EFNA5: variants seen among roughly 807,000 people sequenced by gnomAD.
EFNA5 encodes ephrin-A5.
Under a neutral mutation model 22.9 loss-of-function variants are expected in EFNA5, and 5 were observed. The ratio of observed to expected loss-of-function variants is 0.22; its 90% CI spans 0.11 to 0.46. The LOEUF (loss-of-function observed/expected upper bound fraction) is 0.46. EFNA5 is among the 20% of genes least tolerant of loss of function. The pLI is 0.99. For missense variants in EFNA5, 237 were observed against 293.3 expected, an observed-to-expected ratio of 0.81 and a Z score of 1.40; for synonymous variants, 113 against 112.2, an observed-to-expected ratio of 1.01 and a Z score of -0.04.
At chr5:107,390,745 A>G (rs564455903) in intron 2 of EFNA5, among the ~76,000 whole-genome samples, 2 of 151,798 alleles carry the variant, frequency 1.3e-5, no homozygotes, top group Non-Finnish European at 2.9e-5. Context: ...CACTATATAT[A>G]ACTTCTTGTG....
intron 1 of EFNA5, among the ~76,000 whole-genome samples, chr5:107,437,614 A>G (rs990285945): frequency 1.3e-5 from 2 of 152,206 alleles, no homozygotes; most frequent in African/African-American, 4.8e-5. Context: ...CCTTGAAAAT[A>G]GTAATGGTGT....
chr5:107,608,024 A>T (rs1749758624), intron 1 of EFNA5, among the ~76,000 whole-genome samples: 1 of 152,134 alleles, frequency 6.6e-6, no homozygotes, highest in South Asian at 2.1e-4. Context: ...ATTCAGCACC[A>T]TATGAGGAAA....
intron 1 of EFNA5, among the ~76,000 whole-genome samples, chr5:107,498,526 A>G (rs1426548077): frequency 6.6e-6 from 1 of 152,240 alleles, no homozygotes; most frequent in Non-Finnish European, 1.5e-5. Flanking sequence ...GTATTTGTGA[A>G]AAACTGTGAA....
intron 1 of EFNA5, among the ~76,000 whole-genome samples, chr5:107,623,439 A>G (rs888112984): frequency 1.4e-4 from 21 of 152,236 alleles, no homozygotes; most frequent in Admixed American, 8.5e-4. Flanking sequence ...AAATCATGTG[A>G]AATACATAGA....
intron 1 of EFNA5, among the ~76,000 whole-genome samples, chr5:107,548,674 C>T (rs1418685395): frequency 6.6e-6 from 1 of 152,158 alleles, no homozygotes; most frequent in African/African-American, 2.4e-5. Flanking sequence ...AGTAAAGAGG[C>T]TGATGCTGAG....
intron 1 of EFNA5, among the ~76,000 whole-genome samples, chr5:107,652,968 G>T (rs537593041): frequency 1.6e-4 from 24 of 151,754 alleles, no homozygotes; most frequent in African/African-American, 5.8e-4. Context: ...AATGGCATAT[G>T]GTTCTCCCTC....
chr5:107,464,886 C>T (rs902037010), intron 1 of EFNA5, among the ~76,000 whole-genome samples: 1 of 152,152 alleles, frequency 6.6e-6, no homozygotes, highest in Non-Finnish European at 1.5e-5. Flanking sequence ...CCTCACTCTG[C>T]GTCCTGACAG....
At chr5:107,583,441 C>T (rs556947701) in intron 1 of EFNA5, among the ~76,000 whole-genome samples, 3 of 152,302 alleles carry the variant, frequency 2.0e-5, no homozygotes, top group East Asian at 1.9e-4. Flanking sequence ...TACTGAGCGT[C>T]GGCAAGGCAA....
At chr5:107,506,854 C>A (rs1747263418) in intron 1 of EFNA5, among the ~76,000 whole-genome samples, 1 of 152,138 alleles carries the variant, frequency 6.6e-6, no homozygotes, top group African/African-American at 2.4e-5. Context: ...TCACCACCTG[C>A]TGAAAAAGGC....
chr5:107,585,765 A>C (rs1015185509), intron 1 of EFNA5, among the ~76,000 whole-genome samples: 1 of 152,224 alleles, frequency 6.6e-6, no homozygotes, highest in Non-Finnish European at 1.5e-5. Context: ...AGAGAAGTTG[A>C]AGTGGTGCCA....
At chr5:107,517,991 C>A (rs989895021) in intron 1 of EFNA5, among the ~76,000 whole-genome samples, 1 of 152,036 alleles carries the variant, frequency 6.6e-6, no homozygotes, top group African/African-American at 2.4e-5. Context: ...ACTATATATG[C>A]AACAACAAAA....
chr5:107,623,251 ATC>A (rs1750077352), intron 1 of EFNA5, among the ~76,000 whole-genome samples: 1 of 152,092 alleles, frequency 6.6e-6, no homozygotes, highest in African/African-American at 2.4e-5. Flanking sequence ...GTTAAGATTC[ATC>A]TCTCTGAATA....
chr5:107,670,903 T>C lies in EFNA5; in HGVS notation c.-290A>G. ...CACAAGATGGAGAGAAGCGTGCGTGTGTGTGGTGGCGGCGGCGAGGGCGGG... is the reference window on the plus strand; with the variant it reads ...CACAAGATGGAGAGAAGCGTGCGTGCGTGTGGTGGCGGCGGCGAGGGCGGG... On this transcript the variant is annotated 5_prime_UTR_variant, in exon 1 of 5. Transcript: ENST00000333274. 1 of 343,768 alleles carries C rather than the reference T, an allele frequency of 2.9e-6. No individual in the cohort carries two copies. Among genetic ancestry groups the C allele is most frequent in the South Asian group, 3.5e-5 (1 of 28,442 alleles). 21.3% of individuals were successfully genotyped at this position (343,768 alleles called of 1,614,324 possible).
intron 1 of EFNA5, among the ~76,000 whole-genome samples, chr5:107,541,195 G>T (rs1748039911): frequency 6.6e-6 from 1 of 151,960 alleles, no homozygotes; most frequent in Non-Finnish European, 1.5e-5. Context: ...AATAAGTGAT[G>T]AAAATTAATT....
intron 2 of EFNA5, among the ~76,000 whole-genome samples, chr5:107,403,265 G>A (rs1378347719): frequency 6.6e-6 from 1 of 152,152 alleles, no homozygotes; most frequent in Admixed American, 6.5e-5. Flanking sequence ...ACCCGAGAAG[G>A]TTAGTCTTTA....
intron 1 of EFNA5, among the ~76,000 whole-genome samples, chr5:107,595,142 T>C (rs1749448698): frequency 6.6e-6 from 1 of 152,176 alleles, no homozygotes; most frequent in Non-Finnish European, 1.5e-5. Flanking sequence ...GGTTTAATTT[T>C]TTTTTTTAAA....
At chr5:107,625,592 T>C (rs751303270) in intron 1 of EFNA5, among the ~76,000 whole-genome samples, 2 of 152,122 alleles carry the variant, frequency 1.3e-5, no homozygotes, top group Non-Finnish European at 2.9e-5. Flanking sequence ...AAAGCTAATA[T>C]TGCATAACAG....
chr5:107,429,378 G>A (rs922357894), intron 1 of EFNA5, among the ~76,000 whole-genome samples: 1 of 152,202 alleles, frequency 6.6e-6, no homozygotes, highest in Non-Finnish European at 1.5e-5. Flanking sequence ...CCTGGAAGGC[G>A]GAGGTTGCAG....
chr5:107,443,463 C>A (rs1158492220), intron 1 of EFNA5, among the ~76,000 whole-genome samples: 3 of 152,210 alleles, frequency 2.0e-5, no homozygotes, highest in Admixed American at 6.5e-5. Flanking sequence ...AACAGAGTAT[C>A]ATTCCCCAAG....
Sources: allele counts gnomAD v4.1 joint callset (sites outside exome capture counted in the v4.1 genomes callset), GRCh38; gene constraint gnomAD v4.1.1; transcripts MANE v1.5; gene names NCBI Gene and HGNC (gene_info 2026-07-23, HGNC 2026-07-21).